Variants in RNF220 observed in about 807,000 individuals in gnomAD.
RNF220 encodes E3 ubiquitin-protein ligase RNF220.
RNF220 carries 7 observed loss-of-function variants against 67.1 expected under a neutral mutation model. The ratio of observed to expected loss-of-function variants is 0.10; its 90% confidence interval spans 0.06 to 0.20. The LOEUF is 0.20. Among genes scored for constraint, RNF220 ranks in the 10% least tolerant of loss-of-function variants. The pLI, the probability that RNF220 is intolerant of heterozygous loss-of-function variation, is 1.00. For missense variants in RNF220, 565 were observed against 740.3 expected (o/e 0.76, Z 2.75); for synonymous variants, 270 against 283.2 (o/e 0.95, Z 0.47).
At chr1:44,490,132 G>T (rs1450863158) in intron 2 of RNF220, among the ~76,000 whole-genome samples, 1 of 152,128 alleles carries the variant, frequency 6.6e-6, no homozygotes, top group South Asian at 2.1e-4. Flanking sequence ...CAACTAGAAA[G>T]GGAAATACTG....
chr1:44,501,233 G>A (rs553744469), intron 2 of RNF220, among the ~76,000 whole-genome samples: 5 of 151,820 alleles, frequency 3.3e-5, no homozygotes, highest in African/African-American at 7.2e-5. Flanking sequence ...GGAAGGGTGT[G>A]GGGGGGTGAC....
At chr1:44,501,082 A>C (rs1657816248) in intron 2 of RNF220, among the ~76,000 whole-genome samples, 1 of 149,962 alleles carries the variant, frequency 6.7e-6, no homozygotes, top group Non-Finnish European at 1.5e-5. Context: ...ATCGGGAGAC[A>C]ATAGGAGAGC....
chr1:44,460,393 A>G (rs1314806840), intron 2 of RNF220, among the ~76,000 whole-genome samples: 1 of 152,218 alleles, frequency 6.6e-6, no homozygotes, highest in Non-Finnish European at 1.5e-5. Context: ...TTTCACTGGC[A>G]GAAGCTAGAC....
At chr1:44,479,851 A>G (rs1655636862) in intron 2 of RNF220, among the ~76,000 whole-genome samples, 1 of 152,174 alleles carries the variant, frequency 6.6e-6, no homozygotes, top group South Asian at 2.1e-4. Context: ...TGCTTCATCA[A>G]ATACAGCTAA....
intron 5 of RNF220, among the ~76,000 whole-genome samples, chr1:44,628,847 G>A (rs1644032637): frequency 6.6e-6 from 1 of 152,162 alleles, no homozygotes; most frequent in South Asian, 2.1e-4. Flanking sequence ...AGTCTTTCTG[G>A]ATTAGCTATC....
At chr1:44,644,146 G>A (rs553588129) in intron 8 of RNF220, 1 of 155,960 alleles carries the variant, frequency 6.4e-6, no homozygotes, top group Non-Finnish European at 1.4e-5. Context: ...TTAATGTCAG[G>A]CGCTTCAGAC....
intron 2 of RNF220, among the ~76,000 whole-genome samples, chr1:44,557,209 A>ATG (rs1291542829): frequency 6.8e-6 from 1 of 147,466 alleles, no homozygotes; most frequent in African/African-American, 2.5e-5. Context: ...ATATATATAT[A>ATG]TAAGCTTCTT....
chr1:44,588,606 G>T lies in RNF220; in HGVS notation c.626-25559G>T, dbSNP rs1396169884. 2.7e-5 allele frequency among the ~76,000 whole-genome samples: 4 copies of T among 149,134 alleles called. 1 individual carries two copies. The highest frequency in any genetic ancestry group is 7.0e-3 in the Middle Eastern group (2 of 284). ...TAATAAAATTTTTCAAATCCAAATA[G>T]ATATAATTAACATTTAATGCCCCTG... On this transcript the variant is annotated intron_variant, in intron 2 of 14. Coordinates refer to ENST00000361799, the MANE Select transcript of RNF220 (RefSeq NM_018150.4).
chr1:44,411,022 T>G (rs1475736317), intron 1 of RNF220, among the ~76,000 whole-genome samples: 2 of 152,228 alleles, frequency 1.3e-5, no homozygotes, highest in Non-Finnish European at 2.9e-5. Flanking sequence ...CAGCTCTGAC[T>G]GGGCCAATAA....
At chr1:44,562,858 T>C (rs1663687459) in intron 2 of RNF220, among the ~76,000 whole-genome samples, 3 of 151,878 alleles carry the variant, frequency 2.0e-5, no homozygotes, top group Non-Finnish European at 2.9e-5. Context: ...TCCATCCCCA[T>C]CCAAGAGTTT....
At chr1:44,466,304 T>C (rs1038663103) in intron 2 of RNF220, among the ~76,000 whole-genome samples, 3 of 152,206 alleles carry the variant, frequency 2.0e-5, no homozygotes, top group African/African-American at 7.2e-5. Context: ...TTATTGTAAT[T>C]CTCGCTATTT....
Position 44,650,547 on chromosome 1 carries a change from C to T in RNF220, c.1630-157C>T, listed in dbSNP as rs1644764273. Reference sequence around the variant, plus strand: ...CCCCCCAACACAGGAGCGTGCCTGCCTGCTCACAGAAGCTGCCTATGCGTC... The same window carrying T: ...CCCCCCAACACAGGAGCGTGCCTGCTTGCTCACAGAAGCTGCCTATGCGTC... On this transcript the variant is annotated intron_variant, in intron 14 of 14. Coordinates refer to ENST00000361799, the MANE Select transcript of RNF220 (RefSeq NM_018150.4). The surrounding 1 kb of genome is among the most constrained non-coding windows in gnomAD (Gnocchi z 4.3). 4 of 718,088 alleles carry T rather than the reference C, an allele frequency of 5.6e-6. No individual in the cohort carries two copies. In the South Asian group the frequency reaches 6.7e-5, roughly 12 times the overall value. The allele number at this position is 718,088 out of a possible 1,614,324, so 44.5% of individuals were successfully genotyped here. A position where few individuals can be genotyped will look rare whatever the true frequency, so the allele number is the denominator to read the frequency against.
At chr1:44,639,264 C>G (rs1205950363) in intron 8 of RNF220, among the ~76,000 whole-genome samples, 1 of 152,170 alleles carries the variant, frequency 6.6e-6, no homozygotes, top group Admixed American at 6.5e-5. Context: ...TGTCCTCCAT[C>G]CAGCTCCTGG....
intron 2 of RNF220, among the ~76,000 whole-genome samples, chr1:44,450,892 G>A (rs903578873): frequency 6.6e-6 from 1 of 152,182 alleles, no homozygotes; most frequent in Admixed American, 6.5e-5. Context: ...CCTTAAAAAA[G>A]ACTGTACTTG....
chr1:44,636,393 G>A (rs1467828696), intron 8 of RNF220: 3 of 732,156 alleles, frequency 4.1e-6, no homozygotes, highest in Non-Finnish European at 7.5e-6. Context: ...CAAGCTAGGA[G>A]TGACGAAGGG....
intron 3 of RNF220, among the ~76,000 whole-genome samples, chr1:44,617,908 T>C (rs1484032165): frequency 6.7e-6 from 1 of 148,200 alleles, no homozygotes; most frequent in Non-Finnish European, 1.5e-5. Flanking sequence ...TTCTTTCCCC[T>C]GCTGACTCCT....
chr1:44,550,180 G>A (rs753918745), intron 2 of RNF220, among the ~76,000 whole-genome samples: 3 of 152,228 alleles, frequency 2.0e-5, no homozygotes, highest in Non-Finnish European at 4.4e-5. Context: ...TTCCTGACTG[G>A]TGTCCCTCCA....
At chr1:44,532,344 C>G (rs1390332252) in intron 2 of RNF220, among the ~76,000 whole-genome samples, 1 of 152,130 alleles carries the variant, frequency 6.6e-6, no homozygotes, top group Non-Finnish European at 1.5e-5. Flanking sequence ...TTCATCCTGT[C>G]CTTATGCTGT....
chr1:44,503,588 C>T (rs1349967561), intron 2 of RNF220, among the ~76,000 whole-genome samples: 1 of 152,270 alleles, frequency 6.6e-6, no homozygotes, highest in South Asian at 2.1e-4. Flanking sequence ...ATCTCAGACA[C>T]CCCCTGTTCC....
Sources: allele counts gnomAD v4.1 joint callset (sites outside exome capture counted in the v4.1 genomes callset), GRCh38; gene constraint gnomAD v4.1.1; non-coding constraint Gnocchi (gnomAD v3.1); transcripts MANE v1.5; gene names NCBI Gene and HGNC (gene_info 2026-07-23, HGNC 2026-07-21).